Variants in CGGBP1 observed in about 807,000 individuals in gnomAD.
CGGBP1 encodes the protein CGG triplet repeat binding protein 1.
Under a neutral mutation model 11.4 loss-of-function variants are expected in CGGBP1, and 4 were observed. That is an observed-to-expected ratio of 0.35 (90% CI 0.17 to 0.80). CGGBP1 has a LOEUF of 0.80. CGGBP1 is among the 30% of genes least tolerant of loss of function. The pLI, the probability that CGGBP1 is intolerant of heterozygous loss-of-function variation, is 0.52. For missense variants in CGGBP1, 135 were observed against 202.1 expected (o/e 0.67, Z 2.01); for synonymous variants, 76 against 74.1 (o/e 1.03, Z -0.13).
intron 2 of CGGBP1, among the ~76,000 whole-genome samples, chr3:88,116,800 T>G (rs1441064767): frequency 6.6e-6 from 1 of 152,154 alleles, no homozygotes; most frequent in East Asian, 1.9e-4. Flanking sequence ...TAGGCCATGA[T>G]CTACTAAATT....
chr3:88,061,842 G>A (rs1706903316), upstream of CGGBP1, among the ~76,000 whole-genome samples: 1 of 152,122 alleles, frequency 6.6e-6, no homozygotes, highest in Non-Finnish European at 1.5e-5. Flanking sequence ...GTAATGCAAT[G>A]GATATTGTGC....
intron 2 of CGGBP1, among the ~76,000 whole-genome samples, chr3:88,130,431 A>G (rs565423558): frequency 1.3e-5 from 2 of 151,888 alleles, no homozygotes; most frequent in Non-Finnish European, 2.9e-5. Context: ...TAATACTTCA[A>G]TATTCTTGGT....
At chr3:88,059,261 G>C (rs997506500), upstream of CGGBP1, 3 of 1,531,372 alleles carry the variant, frequency 2.0e-6, no homozygotes, top group Non-Finnish European at 1.7e-6. Context: ...GGTTAGCCTA[G>C]GCATCTACGG....
chr3:88,066,117 G>T (rs1440407958), intron 2 of CGGBP1, among the ~76,000 whole-genome samples: 1 of 152,212 alleles, frequency 6.6e-6, no homozygotes, highest in Non-Finnish European at 1.5e-5. Flanking sequence ...CAAAGCATGT[G>T]AGATGCTTTT....
At chr3:88,127,820 T>C (rs1706210130) in intron 2 of CGGBP1, among the ~76,000 whole-genome samples, 1 of 152,176 alleles carries the variant, frequency 6.6e-6, no homozygotes, top group Non-Finnish European at 1.5e-5. Flanking sequence ...TAGAGCCTCA[T>C]TGATATGGAT....
intron 2 of CGGBP1, among the ~76,000 whole-genome samples, chr3:88,120,333 A>G (rs1228564363): frequency 6.6e-6 from 1 of 152,222 alleles, no homozygotes. Flanking sequence ...TATATGGCAA[A>G]AGAACAGGTT....
chr3:88,111,764 G>A (rs1241830221), intron 2 of CGGBP1, among the ~76,000 whole-genome samples: 2 of 151,836 alleles, frequency 1.3e-5, no homozygotes, highest in Non-Finnish European at 2.9e-5. Flanking sequence ...GATGAGTATA[G>A]GAACATTTAC....
chr3:88,130,050 T>C (rs1706355630), intron 2 of CGGBP1, among the ~76,000 whole-genome samples: 1 of 152,220 alleles, frequency 6.6e-6, no homozygotes, highest in Non-Finnish European at 1.5e-5. Context: ...TGTGCTATAA[T>C]GAAACAGTGG....
intron 2 of CGGBP1, among the ~76,000 whole-genome samples, chr3:88,137,948 A>G (rs1272513644): frequency 2.6e-5 from 4 of 152,284 alleles, no homozygotes; most frequent in Non-Finnish European, 5.9e-5. Context: ...CCTCCAATCA[A>G]AATAAGCCTT....
intron 2 of CGGBP1, chr3:88,095,470 GTC>G (rs1416802498): frequency 2.5e-6 from 1 of 397,538 alleles, no homozygotes; most frequent in Non-Finnish European, 4.9e-6. Context: ...TGCAACATCA[GTC>G]TCTCTTCATA....
At chr3:88,069,869 G>T (rs1263687464) in intron 2 of CGGBP1, among the ~76,000 whole-genome samples, 2 of 152,082 alleles carry the variant, frequency 1.3e-5, no homozygotes, top group Non-Finnish European at 2.9e-5. Context: ...TGTTTTAAAT[G>T]TTTATCCTAA....
intron 1 of CGGBP1, among the ~76,000 whole-genome samples, chr3:88,145,461 A>G (rs1346491133): frequency 3.3e-5 from 5 of 152,158 alleles, no homozygotes; most frequent in African/African-American, 4.8e-5. Flanking sequence ...CTTAGACTCA[A>G]TATATTCCAT....
At chr3:88,129,321 T>TTA (rs772189434) in intron 2 of CGGBP1, among the ~76,000 whole-genome samples, 21 of 76,932 alleles carry the variant, frequency 2.7e-4, no homozygotes, top group Admixed American at 2.5e-3. Flanking sequence ...TTGCCAGGAG[T>TTA]AAAAAAAAAA....
At chr3:88,064,155 G>A (rs1215225939) in intron 2 of CGGBP1, among the ~76,000 whole-genome samples, 3 of 147,036 alleles carry the variant, frequency 2.0e-5, no homozygotes, top group Non-Finnish European at 4.5e-5. Context: ...TAGCAGTCAT[G>A]CCCTGTCCTC....
intron 2 of CGGBP1, among the ~76,000 whole-genome samples, chr3:88,066,579 C>A (rs28493872): frequency 0.75 from 112,660 of 150,942 alleles, 43,708 homozygotes; most frequent in South Asian, 0.9. Context: ...AACAAACAAA[C>A]AAAAAAAACA....
chr3:88,115,793 A>C (rs1052508049), intron 2 of CGGBP1, among the ~76,000 whole-genome samples: 1 of 152,160 alleles, frequency 6.6e-6, no homozygotes, highest in Non-Finnish European at 1.5e-5. Flanking sequence ...CATATGATGC[A>C]TCTGCCTCAT....
intron 2 of CGGBP1, among the ~76,000 whole-genome samples, chr3:88,097,903 T>G (rs1375689763): frequency 1.3e-5 from 2 of 152,138 alleles, no homozygotes; most frequent in Non-Finnish European, 2.9e-5. Flanking sequence ...ATTGACACCC[T>G]AATATCACAA....
chr3:88,058,643 C>T (rs1457319453), intron 1 of CGGBP1, among the ~76,000 whole-genome samples, 172 bp downstream of exon 1: 1 of 152,234 alleles, frequency 6.6e-6, no homozygotes, highest in Admixed American at 6.5e-5. Flanking sequence ...GAGGCGGCGG[C>T]AGGCGCCTGG....
chr3:88,055,372 A>T lies in CGGBP1; in HGVS notation c.*101T>A. On this transcript the variant is annotated 3_prime_UTR_variant, in exon 4 of 4. Coordinates refer to ENST00000482016, the MANE Select transcript of CGGBP1 (RefSeq NM_001008390.2). The surrounding 1 kb of genome is among the most constrained non-coding windows in gnomAD (Gnocchi z 4.2). ...ACACATTGCAAAACTATTCTGCGTC[A>T]CATGATTTTAAATGAAATAAATACA... 2 of 1,184,514 alleles carry T rather than the reference A, an allele frequency of 1.7e-6. No homozygotes were observed. Among genetic ancestry groups the T allele is most frequent in the Non-Finnish European group, 1.2e-6 (1 of 857,368 alleles). 73.4% of individuals were successfully genotyped at this position (1,184,514 alleles called of 1,614,324 possible). A position where few individuals can be genotyped will look rare whatever the true frequency, so the allele number is the denominator to read the frequency against.
Sources: gnomAD v4.1 joint callset for allele counts (sites outside exome capture counted in the v4.1 genomes callset) on GRCh38, gnomAD v4.1.1 for gene constraint, Gnocchi (gnomAD v3.1) non-coding constraint, MANE v1.5 for transcripts, NCBI Gene and HGNC (gene_info 2026-07-23, HGNC 2026-07-21) for gene names.